TMPRSS4: variants seen among roughly 807,000 people sequenced by gnomAD.
TMPRSS4 encodes transmembrane protease serine 4.
A neutral mutation model predicts 56.4 loss-of-function variants in TMPRSS4; 45 were observed. That is an observed-to-expected ratio of 0.80 (90% CI 0.63 to 1.02). TMPRSS4 has a LOEUF of 1.02. TMPRSS4 is among the 50% of genes least tolerant of loss of function. The pLI, the probability that TMPRSS4 is intolerant of heterozygous loss-of-function variation, is 0.00. For synonymous variants in TMPRSS4, 205 were observed against 211.0 expected (o/e 0.97, Z 0.25); for missense variants, 546 against 556.7 (o/e 0.98, Z 0.19).
rs2135413481 is a variant in TMPRSS4, at chr11:118,104,772, T to G, written c.392T>G (p.Phe131Cys). The G allele has an allele frequency of 6.2e-7, 1 of 1,613,808 alleles. No individual in the cohort carries two copies. The highest frequency in any genetic ancestry group is 2.2e-5 in the East Asian group (1 of 44,842). Residue 131 changes from phenylalanine (F) to cysteine (C), a missense_variant, in exon 5 of 13, where the codon TTC becomes TGC. Phe to Cys is a radical substitution (Grantham distance 205). Coordinates refer to ENST00000437212, the MANE Select transcript of TMPRSS4 (RefSeq NM_019894.4). ...GNWFSACFDN[F>C]TEALAETACR... Reference sequence around the variant, plus strand: ...TGGTTCTCTGCCTGTTTCGACAACTTCACAGAAGCTCTCGCTGAGACAGCC... The same window carrying G: ...TGGTTCTCTGCCTGTTTCGACAACTGCACAGAAGCTCTCGCTGAGACAGCC...
chr11:118,092,744 C>T (rs1213545933), intron 1 of TMPRSS4, among the ~76,000 whole-genome samples: 1 of 152,216 alleles, frequency 6.6e-6, no homozygotes, highest in African/African-American at 2.4e-5. Context: ...GTTAGTTCTG[C>T]CTACCCCTAG....
intron 1 of TMPRSS4, among the ~76,000 whole-genome samples, chr11:118,082,339 T>A (rs984464988): frequency 6.6e-6 from 1 of 152,066 alleles, no homozygotes; most frequent in Non-Finnish European, 1.5e-5. Flanking sequence ...GGTGGGCGGA[T>A]CACCTGAGGT....
At chr11:118,105,041 G>A (rs1946921555) in intron 5 of TMPRSS4, among the ~76,000 whole-genome samples, 1 of 152,118 alleles carries the variant, frequency 6.6e-6, no homozygotes, top group Non-Finnish European at 1.5e-5. Context: ...CAACCTCATA[G>A]GATAGTTTTG....
At chr11:118,090,103 A>G (rs1945839135) in intron 1 of TMPRSS4, among the ~76,000 whole-genome samples, 1 of 152,144 alleles carries the variant, frequency 6.6e-6, no homozygotes, top group Non-Finnish European at 1.5e-5. Flanking sequence ...CAGCCTCCCA[A>G]AGTGCTGGGA....
chr11:118,103,250 G>A lies in TMPRSS4; in HGVS notation c.307G>A (p.Ala103Thr), dbSNP rs747224434. 3.7e-6 allele frequency: 6 copies of A among 1,613,084 alleles called. No individual in the cohort carries two copies. Among genetic ancestry groups the A allele is most frequent in the Non-Finnish European group, 4.2e-6 (5 of 1,179,768 alleles). Reference sequence around the variant, plus strand: ...GAGCTTCCCCGAAGGGCCTGCAGTGGCAGGTGAGTGCAGGGTCTGAGGCAC... The same window carrying A: ...GAGCTTCCCCGAAGGGCCTGCAGTGACAGGTGAGTGCAGGGTCTGAGGCAC... Reference protein sequence around the residue: ...VKSFPEGPAVAVRLSKDRSTL... With the variant: ...VKSFPEGPAVTVRLSKDRSTL... The change falls in exon 4 of 13, where the codon GCA (alanine) becomes ACA (threonine). Residue 103 changes from alanine (A) to threonine (T), a missense_variant. Transcript: ENST00000437212.
At position 118,121,605 on chromosome 11, in the gene TMPRSS4, C is replaced by G. The variant is rs1190236981; in HGVS notation, c.*3692C>G. On this transcript the variant is annotated 3_prime_UTR_variant, in exon 13 of 13. Transcript: ENST00000437212. ...AACTCCCGACCTCAAGTGATCCCCC[C>G]GCCTCGGCCTCCCAAAGTGCTGGGA... 5 of 152,128 alleles carry G rather than the reference C, an allele frequency of 3.3e-5. No individual in the cohort carries two copies. The highest frequency in any genetic ancestry group is 3.3e-4 in the Admixed American group (5 of 15,274). The allele number at this position is 152,128 out of a possible 1,614,324, so 9.4% of individuals were successfully genotyped here. A position where few individuals can be genotyped will look rare whatever the true frequency, so the allele number is the denominator to read the frequency against.
chr11:118,118,015 C>G lies in TMPRSS4; in HGVS notation c.*102C>G, dbSNP rs1217623337. On this transcript the variant is annotated 3_prime_UTR_variant, in exon 13 of 13. Coordinates refer to ENST00000437212, the MANE Select transcript of TMPRSS4 (RefSeq NM_019894.4). The stretch of plus-strand genomic sequence containing the variant: ...CAGAGCAAGAGTCCCCTTGGGTACA[C>G]CCCTCTGCCCACAGCCTCAGCATTT... The G allele has an allele frequency of 1.9e-6, 3 of 1,598,230 alleles. No individual in the cohort carries two copies. The African/African-American group carries it at 4.0e-5, about 22-fold the overall frequency.
chr11:118,102,085 T>C (rs187064988), intron 3 of TMPRSS4, among the ~76,000 whole-genome samples: 23 of 152,266 alleles, frequency 1.5e-4, no homozygotes, highest in Non-Finnish European at 1.5e-5. Flanking sequence ...GGCGGTTTGC[T>C]GCACTGATCA....
At chr11:118,086,642 A>C (rs1945579089) in intron 1 of TMPRSS4, 1 of 152,330 alleles carries the variant, frequency 6.6e-6, no homozygotes, top group Non-Finnish European at 1.5e-5. Flanking sequence ...ATCTCTGAGG[A>C]CCTCCCATGC....
At chr11:118,103,376 C>CTTG (rs1555087214) in intron 4 of TMPRSS4, 123 bp downstream of exon 4, 9 of 984,122 alleles carry the variant, frequency 9.1e-6, no homozygotes, top group East Asian at 7.7e-5. Flanking sequence ...GTATAAGGTT[C>CTTG]TTTGTTTGTT....
intron 1 of TMPRSS4, among the ~76,000 whole-genome samples, chr11:118,084,336 T>C (rs1188961831): frequency 6.6e-6 from 1 of 152,166 alleles, no homozygotes; most frequent in African/African-American, 2.4e-5. Flanking sequence ...AAAAACTTCA[T>C]GAAGCACTCG....
At chr11:118,089,684 C>T (rs563430387) in intron 1 of TMPRSS4, among the ~76,000 whole-genome samples, 20 of 152,254 alleles carry the variant, frequency 1.3e-4, no homozygotes, top group South Asian at 4.1e-4. Context: ...CAAATATTGG[C>T]TATACATATT....
At chr11:118,124,309 C>T (rs780913741), downstream of TMPRSS4, among the ~76,000 whole-genome samples, 9 of 152,072 alleles carry the variant, frequency 5.9e-5, no homozygotes, top group South Asian at 2.1e-4. Context: ...TGCTTGAACC[C>T]GGGAGGCGGA....
downstream of TMPRSS4, chr11:118,122,031 C>G (rs1947806562): frequency 6.6e-6 from 1 of 152,070 alleles, no homozygotes; most frequent in Non-Finnish European, 1.5e-5. Flanking sequence ...AAGTGTGTCA[C>G]TTCCAAAACA....
Position 118,077,212 on chromosome 11 carries a change from C to T in TMPRSS4, c.-91C>T. The T allele has an allele frequency of 6.5e-7, 1 of 1,529,218 alleles. No individual in the cohort carries two copies. 94.7% of individuals were successfully genotyped at this position (1,529,218 alleles called of 1,614,324 possible). ...CAGGGACTTCTGACCTGCTGGCCAGCCAGGACCTGTGTGGGGAGGCCCTCC... is the reference window on the plus strand; with the variant it reads ...CAGGGACTTCTGACCTGCTGGCCAGTCAGGACCTGTGTGGGGAGGCCCTCC... On this transcript the variant is annotated 5_prime_UTR_variant, in exon 1 of 13. Coordinates refer to ENST00000437212, the MANE Select transcript of TMPRSS4 (RefSeq NM_019894.4).
Position 118,113,260 on chromosome 11 carries a change from T to A in TMPRSS4, c.744-9T>A. 2 of 1,613,160 alleles carry A rather than the reference T, an allele frequency of 1.2e-6. No homozygotes were observed. The highest frequency in any genetic ancestry group is 1.7e-6 in the Non-Finnish European group (2 of 1,179,418). ...GATCAGGCCTGAACCCAGCTGTCTC[T>A]ACCCCCAGGAAACATACCGATGTGT... On this transcript the variant is annotated splice_polypyrimidine_tract_variant and intron_variant, in intron 8 of 12. Transcript: ENST00000437212.
At chr11:118,095,135 A>C in intron 2 of TMPRSS4, 2 of 464,256 alleles carry the variant, frequency 4.3e-6, no homozygotes, top group South Asian at 4.6e-5. Context: ...TCCTTTCAGT[A>C]AAACTGTACG....
chr11:118,094,193 C>T (rs907660602), intron 1 of TMPRSS4, among the ~76,000 whole-genome samples: 8 of 152,184 alleles, frequency 5.3e-5, no homozygotes, highest in African/African-American at 1.7e-4. Context: ...AATACTTGTA[C>T]GTTTAGCATT....
At chr11:118,122,705 G>A (rs1947819298), downstream of TMPRSS4, among the ~76,000 whole-genome samples, 1 of 152,174 alleles carries the variant, frequency 6.6e-6, no homozygotes. Context: ...ATAGATGAAT[G>A]ACAGGAAGCC....
Sources: gnomAD v4.1 joint callset for allele counts (sites outside exome capture counted in the v4.1 genomes callset) on GRCh38, gnomAD v4.1.1 for gene constraint, MANE v1.5 for transcripts, NCBI Gene and HGNC (gene_info 2026-07-23, HGNC 2026-07-21) for gene names.